Variants in BIRC6 observed in about 807,000 individuals in gnomAD.
BIRC6 encodes the protein baculoviral IAP repeat containing 6.
BIRC6 carries 98 observed loss-of-function variants against 503.3 expected under a neutral mutation model. The observed-to-expected ratio is 0.19, with a 90% CI of 0.17 to 0.23. The LOEUF (loss-of-function observed/expected upper bound fraction) is 0.23, where lower values mean the gene tolerates loss of function less well. Among genes scored for constraint, BIRC6 ranks in the 10% least tolerant of loss-of-function variants. BIRC6 has a pLI of 1.00. For missense variants in BIRC6, 5,360 were observed against 5,806.0 expected (o/e 0.92, Z 2.50); for synonymous variants, 2,240 against 2,078.7 (o/e 1.08, Z -2.11).
intron 72 of BIRC6, among the ~76,000 whole-genome samples, chr2:32,608,165 C>T (rs1391171371): frequency 6.6e-6 from 1 of 150,820 alleles, no homozygotes; most frequent in East Asian, 2.0e-4. Context: ...GGCATGGTGG[C>T]ACCTGTAGTC....
intron 66 of BIRC6, among the ~76,000 whole-genome samples, chr2:32,577,266 T>C (rs2060330044): frequency 6.6e-6 from 1 of 152,168 alleles, no homozygotes. Context: ...ACTGCCATCA[T>C]GTCTTTTTAG....
intron 61 of BIRC6, among the ~76,000 whole-genome samples, chr2:32,542,116 CTA>C (rs145652241): frequency 0.017 from 2,498 of 147,874 alleles, 48 homozygotes; most frequent in African/African-American, 0.059. Flanking sequence ...GAAATTATGT[CTA>C]TATATATATA....
intron 71 of BIRC6, among the ~76,000 whole-genome samples, chr2:32,604,947 A>G (rs1394532030): frequency 1.3e-5 from 2 of 149,342 alleles, no homozygotes; most frequent in African/African-American, 2.5e-5. Context: ...GCTGGGCACA[A>G]CCTTGGCTTA....
chr2:32,540,791 AT>A (rs527800036), intron 61 of BIRC6, among the ~76,000 whole-genome samples: 104 of 152,152 alleles, frequency 6.8e-4, no homozygotes, highest in African/African-American at 2.4e-3. Flanking sequence ...CTTGCTGTAT[AT>A]TTAACTATAC....
intron 66 of BIRC6, 61 bp downstream of exon 66, chr2:32,575,427 C>T: frequency 6.7e-7 from 1 of 1,485,182 alleles, no homozygotes. Flanking sequence ...TAAAATAACT[C>T]CATGGGTGTT....
At chr2:32,395,763 A>T (rs2039806394) in intron 6 of BIRC6, among the ~76,000 whole-genome samples, 170 bp downstream of exon 6, 1 of 152,250 alleles carries the variant, frequency 6.6e-6, no homozygotes, top group African/African-American at 2.4e-5. Context: ...ACCACTTGGC[A>T]TACAGTGTCT....
At chr2:32,613,077 C>T (rs1244868943) in intron 73 of BIRC6, among the ~76,000 whole-genome samples, 2 of 152,012 alleles carry the variant, frequency 1.3e-5, no homozygotes, top group African/African-American at 2.4e-5. Context: ...CTCCCTCCTC[C>T]AGGCCTTTAC....
chr2:32,371,287 A>G (rs1290661417), intron 1 of BIRC6, among the ~76,000 whole-genome samples: 1 of 151,910 alleles, frequency 6.6e-6, no homozygotes, highest in Non-Finnish European at 1.5e-5. Context: ...GATGTTAGAC[A>G]GACTAAGGAA....
At chr2:32,605,538 C>G (rs1281924217) in intron 71 of BIRC6, among the ~76,000 whole-genome samples, 1 of 152,028 alleles carries the variant, frequency 6.6e-6, no homozygotes, top group East Asian at 1.9e-4. Context: ...AATAACTATG[C>G]CTTTGAAACT....
At chr2:32,555,238 G>C (rs2058691334) in intron 65 of BIRC6, among the ~76,000 whole-genome samples, 1 of 152,046 alleles carries the variant, frequency 6.6e-6, no homozygotes, top group Non-Finnish European at 1.5e-5. Flanking sequence ...TGGGAGCTGT[G>C]GTGGTGGTTC....
chr2:32,566,756 T>A (rs1363118680), intron 65 of BIRC6, among the ~76,000 whole-genome samples: 1 of 152,206 alleles, frequency 6.6e-6, no homozygotes, highest in African/African-American at 2.4e-5. Context: ...AGCATAGATA[T>A]TTTCATCATA....
chr2:32,456,201 T>G (rs1243011219), intron 23 of BIRC6, among the ~76,000 whole-genome samples: 1 of 152,234 alleles, frequency 6.6e-6, no homozygotes, highest in Non-Finnish European at 1.5e-5. Flanking sequence ...GTTTATTTCT[T>G]TGAATAACCA....
intron 59 of BIRC6, among the ~76,000 whole-genome samples, chr2:32,526,224 A>G (rs951088221): frequency 1.1e-4 from 17 of 152,196 alleles, no homozygotes; most frequent in African/African-American, 3.1e-4. Context: ...AAGAGGAAAA[A>G]GATCTTCCAG....
In BIRC6 at chr2:32,597,885, G is replaced by A; in HGVS notation, c.13747G>A (p.Val4583Met). The change falls in exon 69 of 74, where the codon GTG becomes ATG. Residue 4583 changes from valine (V) to methionine (M), a missense_variant. Coordinates refer to ENST00000421745, the MANE Select transcript of BIRC6 (RefSeq NM_016252.4). The part of the protein sequence containing the change: ...ARARRLAQEA[V>M]TLSTSLPLSS... ...AGCTCGCCGCCTTGCCCAGGAAGCT[G>A]TGACGCTTTCAACCTCACTGCCTCT... 6.2e-7 allele frequency: 1 copy of A among 1,613,908 alleles called. No individual in the cohort carries two copies. Among genetic ancestry groups the A allele is most frequent in the Non-Finnish European group, 8.5e-7 (1 of 1,179,866 alleles).
At chr2:32,547,755 A>G (rs751064001) in intron 63 of BIRC6, 95 bp from the exon 64 acceptor site, 92 of 1,156,454 alleles carry the variant, frequency 8.0e-5, no homozygotes, top group East Asian at 5.3e-5. Flanking sequence ...ACTGTTTTCC[A>G]TAGTAGCTTC....
At chr2:32,457,382 T>C (rs1249345022) in intron 23 of BIRC6, among the ~76,000 whole-genome samples, 1 of 152,316 alleles carries the variant, frequency 6.6e-6, no homozygotes, top group South Asian at 2.1e-4. Context: ...CTCATTGTCC[T>C]GATGGTTGGT....
At chr2:32,476,382 AG>A in intron 34 of BIRC6, 38 bp downstream of exon 34, 1 of 1,529,958 alleles carries the variant, frequency 6.5e-7, no homozygotes, top group Non-Finnish European at 8.8e-7. Flanking sequence ...ATCTCAGAAA[AG>A]TCAAGGAGTT....
At chr2:32,434,653 G>C (rs572966063) in intron 13 of BIRC6, among the ~76,000 whole-genome samples, 2 of 152,196 alleles carry the variant, frequency 1.3e-5, no homozygotes, top group African/African-American at 4.8e-5. Flanking sequence ...TTTGAGACCA[G>C]CCTGGGAAGT....
At position 32,450,670 on chromosome 2, in the gene BIRC6, C is replaced by T. The variant is rs1317774544; in HGVS notation, c.4618+1742C>T. On this transcript the variant is annotated intron_variant, in intron 22 of 73. Coordinates refer to ENST00000421745, the MANE Select transcript of BIRC6 (RefSeq NM_016252.4). The stretch of plus-strand genomic sequence containing the variant: ...GCACCTATTTTTCCACCAGTGTATG[C>T]AGTTGTTCCTCTCTATCCGTGGGGA... Among the ~76,000 whole-genome samples, 3 of 152,118 alleles carry T rather than the reference C, an allele frequency of 2.0e-5. No individual in the cohort carries two copies. In the East Asian group the frequency reaches 5.8e-4, roughly 29 times the overall value.
Sources: gnomAD v4.1 joint callset for allele counts (sites outside exome capture counted in the v4.1 genomes callset) on GRCh38, gnomAD v4.1.1 for gene constraint, MANE v1.5 for transcripts, NCBI Gene and HGNC (gene_info 2026-07-23, HGNC 2026-07-21) for gene names.